Variants in IQSEC1 observed in about 807,000 individuals in gnomAD.
IQSEC1 encodes the protein IQ motif and Sec7 domain ArfGEF 1.
Under a neutral mutation model 91.0 loss-of-function variants are expected in IQSEC1, and 31 were observed. That is an observed-to-expected ratio of 0.34 (90% CI 0.26 to 0.46). IQSEC1 has a LOEUF of 0.46. Ranked by LOEUF, IQSEC1 falls within the 20% of genes least tolerant of loss-of-function variation. The probability of loss-of-function intolerance (pLI) is 1.00; values close to 1 mark genes in which losing one functional copy is unlikely to be tolerated. For missense variants in IQSEC1, 1,388 were observed against 1,575.6 expected, an observed-to-expected ratio of 0.88 and a Z score of 2.02; for synonymous variants, 699 against 662.6, an observed-to-expected ratio of 1.05 and a Z score of -0.84.
chr3:13,264,759 CA>C (rs1311363856), intron 1 of IQSEC1, among the ~76,000 whole-genome samples: 17 of 151,804 alleles, frequency 1.1e-4, no homozygotes, highest in Admixed American at 1.1e-3. Flanking sequence ...CAAACACATA[CA>C]GTCTCTGCCT....
chr3:13,069,029 T>C (rs1316717580), intron 1 of IQSEC1, among the ~76,000 whole-genome samples: 1 of 152,236 alleles, frequency 6.6e-6, no homozygotes, highest in Non-Finnish European at 1.5e-5. Context: ...TATGCGGCCT[T>C]GGCTGCATAT....
intron 2 of IQSEC1, among the ~76,000 whole-genome samples, chr3:13,129,758 T>C (rs1476108808): frequency 6.6e-6 from 1 of 150,488 alleles, no homozygotes; most frequent in East Asian, 2.0e-4. Context: ...CCCGGATTCA[T>C]GCCATTCTCC....
intron 1 of IQSEC1, among the ~76,000 whole-genome samples, chr3:13,250,664 G>A (rs1425040435): frequency 4.6e-5 from 7 of 151,374 alleles, no homozygotes; most frequent in Admixed American, 6.6e-5. Context: ...ACACGGTTTC[G>A]CCATGTTGGC....
chr3:13,213,165 T>G (rs936535747), intron 1 of IQSEC1, among the ~76,000 whole-genome samples: 4 of 152,240 alleles, frequency 2.6e-5, no homozygotes, highest in Admixed American at 2.0e-4. Context: ...TTTCTTGTAT[T>G]TTATCATTTT....
chr3:13,057,366 C>CT (rs1407433285), intron 1 of IQSEC1, among the ~76,000 whole-genome samples: 1 of 152,214 alleles, frequency 6.6e-6, no homozygotes, highest in East Asian at 1.9e-4. Flanking sequence ...AATCTTGGCC[C>CT]TGTAGACTTT....
rs531709179 is a variant in IQSEC1, at chr3:13,222,132, G to A, written c.273-57999C>T. 1.7e-4 allele frequency among the ~76,000 whole-genome samples: 25 copies of A among 151,098 alleles called. No homozygotes were observed. The East Asian group carries it at 4.7e-3, about 28-fold the overall frequency. On this transcript the variant is annotated intron_variant, in intron 1 of 15. Coordinates refer to the IQSEC1 transcript ENST00000648114. ...ACTGAAACTCTGCCCCATGAAACAC[G>A]AACCCCCAGCCCCCCTCCCCCAGCC...
chr3:13,229,022 C>A (rs1243306953), intron 1 of IQSEC1, among the ~76,000 whole-genome samples: 3 of 152,196 alleles, frequency 2.0e-5, no homozygotes, highest in African/African-American at 7.2e-5. Flanking sequence ...TGGTGCCTGG[C>A]ACACAGTATA....
intron 2 of IQSEC1, among the ~76,000 whole-genome samples, chr3:13,151,536 C>G (rs111755426): frequency 6.6e-6 from 1 of 152,272 alleles, no homozygotes; most frequent in South Asian, 2.1e-4. Context: ...AGAATGGGAG[C>G]ACGATGGGGT....
intron 2 of IQSEC1, among the ~76,000 whole-genome samples, chr3:13,112,690 G>A (rs1370116910): frequency 6.6e-6 from 1 of 152,264 alleles, no homozygotes; most frequent in Non-Finnish European, 1.5e-5. Context: ...GCAGGGCCAG[G>A]GAGCTGCCTG....
At chr3:13,270,151 A>T (rs1289742342) in intron 1 of IQSEC1, among the ~76,000 whole-genome samples, 9 of 152,244 alleles carry the variant, frequency 5.9e-5, no homozygotes, top group Non-Finnish European at 1.5e-5. Flanking sequence ...AATACCACTG[A>T]GTATTCCATT....
chr3:13,192,002 G>A (rs1694042683), intron 1 of IQSEC1, among the ~76,000 whole-genome samples: 1 of 152,124 alleles, frequency 6.6e-6, no homozygotes, highest in Admixed American at 6.5e-5. Flanking sequence ...ATATGTTGAA[G>A]TTCTAGCCTC....
intron 1 of IQSEC1, among the ~76,000 whole-genome samples, chr3:13,277,555 T>C (rs1243079607): frequency 1.3e-5 from 2 of 152,220 alleles, no homozygotes; most frequent in South Asian, 2.1e-4. Context: ...CTCTACCATC[T>C]GCTGGAAAAT....
intron 7 of IQSEC1, among the ~76,000 whole-genome samples, chr3:12,915,349 C>T (rs1372077580): frequency 6.6e-6 from 1 of 152,236 alleles, no homozygotes; most frequent in Non-Finnish European, 1.5e-5. Context: ...AACTCAGCCA[C>T]TGCACAACCC....
intron 1 of IQSEC1, among the ~76,000 whole-genome samples, chr3:13,023,833 T>G (rs897044164): frequency 4.6e-5 from 7 of 152,164 alleles, no homozygotes; most frequent in Non-Finnish European, 7.4e-5. Context: ...AGAGGAGGCT[T>G]CACAAGCCAC....
chr3:13,167,851 C>G (rs961249232), intron 1 of IQSEC1, among the ~76,000 whole-genome samples: 4 of 152,234 alleles, frequency 2.6e-5, no homozygotes, highest in Admixed American at 2.6e-4. Flanking sequence ...ATCTACCTTT[C>G]CCAGATGCCC....
chr3:12,899,569 C>T lies in IQSEC1; in HGVS notation c.*1414G>A. 1 of 1,484,752 alleles carries T rather than the reference C, an allele frequency of 6.7e-7. No individual in the cohort carries two copies. Among genetic ancestry groups the T allele is most frequent in the African/African-American group, 1.4e-5 (1 of 70,960 alleles). The allele number at this position is 1,484,752 out of a possible 1,614,324, so 92.0% of individuals were successfully genotyped here. On this transcript the variant is annotated 3_prime_UTR_variant, in exon 14 of 14. Coordinates refer to ENST00000613206, the MANE Select transcript of IQSEC1 (RefSeq NM_001134382.3). ...AGAGTCATGTGATGCCCTGGCAGCT[C>T]ACTGGACCATGGGAAGGCAGCGGGG...
At chr3:12,993,584 C>G (rs1702089439) in intron 1 of IQSEC1, among the ~76,000 whole-genome samples, 1 of 152,248 alleles carries the variant, frequency 6.6e-6, no homozygotes, top group African/African-American at 2.4e-5. Flanking sequence ...AGGCAACCAA[C>G]TGCACTGATG....
chr3:13,255,058 A>G (rs1000697092), intron 1 of IQSEC1, among the ~76,000 whole-genome samples: 2 of 152,252 alleles, frequency 1.3e-5, no homozygotes, highest in Admixed American at 1.3e-4. Flanking sequence ...CCTCCACGTC[A>G]GGCAGCTCTA....
Position 13,207,752 on chromosome 3 carries a change from C to A in IQSEC1, c.273-43619G>T, listed in dbSNP as rs148824687. ...CGCCATCGCCAGCTCTCCCGGGAGG[C>A]TCTCTCTCACCATCGCATCTAAACC... On this transcript the variant is annotated intron_variant, in intron 1 of 15. Coordinates refer to the IQSEC1 transcript ENST00000648114. The surrounding 1 kb of genome is among the most constrained non-coding windows in gnomAD (Gnocchi z 4.8). 1.3e-5 allele frequency among the ~76,000 whole-genome samples: 2 copies of A among 152,160 alleles called. No homozygotes were observed. The highest frequency in any genetic ancestry group is 3.9e-4 in the East Asian group (2 of 5,182).
Sources: allele counts gnomAD v4.1 joint callset (sites outside exome capture counted in the v4.1 genomes callset), GRCh38; gene constraint gnomAD v4.1.1; non-coding constraint Gnocchi (gnomAD v3.1); transcripts MANE v1.5; gene names NCBI Gene and HGNC (gene_info 2026-07-23, HGNC 2026-07-21).